DLG2: variants seen among roughly 807,000 people sequenced by gnomAD.
The protein encoded by DLG2 is disks large homolog 2.
A neutral mutation model predicts 132.5 loss-of-function variants in DLG2; 45 were observed. That is an observed-to-expected ratio of 0.34 (90% CI 0.27 to 0.44). The LOEUF is 0.44. Ranked by LOEUF, DLG2 falls within the 20% of genes least tolerant of loss-of-function variation. The pLI is 1.00. For synonymous variants in DLG2, 424 were observed against 419.6 expected, an observed-to-expected ratio of 1.01 and a Z score of -0.13; for missense variants, 1,045 against 1,196.9, an observed-to-expected ratio of 0.87 and a Z score of 1.87.
At chr11:85,095,929 G>C (rs1156768776) in intron 6 of DLG2, among the ~76,000 whole-genome samples, 1 of 152,200 alleles carries the variant, frequency 6.6e-6, no homozygotes, top group Non-Finnish European at 1.5e-5. Flanking sequence ...GGTGAAGCCA[G>C]CTGAGCTTCT....
intron 6 of DLG2, among the ~76,000 whole-genome samples, chr11:84,651,064 C>G (rs2099681488): frequency 6.6e-6 from 1 of 151,612 alleles, no homozygotes; most frequent in Non-Finnish European, 1.5e-5. Context: ...CATTATCTTA[C>G]TTGACCTTTC....
intron 6 of DLG2, among the ~76,000 whole-genome samples, chr11:85,077,840 C>G (rs989047672): frequency 5.9e-5 from 9 of 151,932 alleles, no homozygotes; most frequent in Admixed American, 3.3e-4. Context: ...GGGATAGTCT[C>G]CATTATATAT....
chr11:83,557,797 G>A (rs1213280553), intron 19 of DLG2, among the ~76,000 whole-genome samples: 3 of 152,114 alleles, frequency 2.0e-5, no homozygotes, highest in African/African-American at 4.8e-5. Flanking sequence ...TGGGGAGGAG[G>A]ATTTCCTGTT....
intron 3 of DLG2, among the ~76,000 whole-genome samples, chr11:85,326,301 A>C (rs2081452712): frequency 7.0e-6 from 1 of 143,478 alleles, no homozygotes; most frequent in Non-Finnish European, 1.5e-5. Flanking sequence ...GAGAAGAGCA[A>C]CTCCAAGACA....
chr11:85,545,036 A>C (rs2076220150), intron 3 of DLG2, among the ~76,000 whole-genome samples: 1 of 152,118 alleles, frequency 6.6e-6, no homozygotes, highest in South Asian at 2.1e-4. Flanking sequence ...GTTGAATAGG[A>C]GTGGTGAAAG....
chr11:85,577,535 A>G (rs892656417), intron 3 of DLG2, among the ~76,000 whole-genome samples: 6 of 152,148 alleles, frequency 3.9e-5, no homozygotes, highest in African/African-American at 7.2e-5. Flanking sequence ...AGTTTTGGCC[A>G]TGATAAGTTT....
intron 8 of DLG2, among the ~76,000 whole-genome samples, chr11:84,239,258 G>A (rs2097197171): frequency 6.6e-6 from 1 of 151,580 alleles, no homozygotes; most frequent in Non-Finnish European, 1.5e-5. Flanking sequence ...TCGGCTCACT[G>A]CAACCTCAAC....
At chr11:84,653,063 G>A (rs2099684048) in intron 6 of DLG2, among the ~76,000 whole-genome samples, 1 of 151,874 alleles carries the variant, frequency 6.6e-6, no homozygotes, top group Non-Finnish European at 1.5e-5. Context: ...CTGAGTAGCT[G>A]GGATTACAGG....
chr11:84,455,999 T>C (rs576000360), intron 7 of DLG2, among the ~76,000 whole-genome samples: 51 of 151,340 alleles, frequency 3.4e-4, no homozygotes, highest in Admixed American at 7.3e-4. Context: ...AGACCTAACA[T>C]CCATGAAAAT....
At chr11:84,498,380 T>G (rs935349788) in intron 7 of DLG2, among the ~76,000 whole-genome samples, 3 of 152,100 alleles carry the variant, frequency 2.0e-5, no homozygotes, top group Non-Finnish European at 2.9e-5. Context: ...GGGAAGCAGA[T>G]GAATAAGTCA....
At chr11:84,541,100 T>C (rs2099367512) in intron 6 of DLG2, among the ~76,000 whole-genome samples, 2 of 151,642 alleles carry the variant, frequency 1.3e-5, no homozygotes, top group South Asian at 4.2e-4. Flanking sequence ...AAATGACGAG[T>C]TAATGGGTGT....
chr11:84,397,362 C>T (rs1053601676), intron 7 of DLG2, among the ~76,000 whole-genome samples: 2 of 152,234 alleles, frequency 1.3e-5, no homozygotes, highest in African/African-American at 4.8e-5. Context: ...CTATCTGAGA[C>T]AATGCTATGT....
chr11:83,586,541 T>C (rs1395892576), intron 19 of DLG2, among the ~76,000 whole-genome samples: 1 of 152,216 alleles, frequency 6.6e-6, no homozygotes, highest in Non-Finnish European at 1.5e-5. Flanking sequence ...TTTAAAACTA[T>C]CATTTTCTTC....
rs578258070 is a variant in DLG2 at position 84,815,202 on chromosome 11, C to A, written c.358-280471G>T. On this transcript the variant is annotated intron_variant, in intron 6 of 27. Coordinates refer to ENST00000376104, the MANE Select transcript of DLG2 (RefSeq NM_001142699.3). Reference sequence around the variant, plus strand: ...GGAATAAACTAAGAAAGAGGCTTTGCTTTATATCTGCACTCACTAGGAGAG... The same window carrying A: ...GGAATAAACTAAGAAAGAGGCTTTGATTTATATCTGCACTCACTAGGAGAG... Among the ~76,000 whole-genome samples, 37 of 152,172 alleles carry A rather than the reference C, an allele frequency of 2.4e-4. 1 individual carries two copies. The highest frequency in any genetic ancestry group is 6.8e-3 in the Middle Eastern group (2 of 294).
At chr11:84,840,553 G>A (rs575355029) in intron 6 of DLG2, among the ~76,000 whole-genome samples, 1 of 152,240 alleles carries the variant, frequency 6.6e-6, no homozygotes, top group Admixed American at 6.5e-5. Context: ...TATGTTTATT[G>A]TGGCACTATT....
At chr11:83,622,183 C>T (rs1316484715) in intron 19 of DLG2, among the ~76,000 whole-genome samples, 2 of 152,178 alleles carry the variant, frequency 1.3e-5, no homozygotes, top group Non-Finnish European at 2.9e-5. Flanking sequence ...CCACCCCAGC[C>T]TCCCAAAGTG....
chr11:84,043,193 A>G (rs2096141582), intron 11 of DLG2, among the ~76,000 whole-genome samples: 1 of 151,362 alleles, frequency 6.6e-6, no homozygotes, highest in Admixed American at 6.6e-5. Flanking sequence ...TTGCTTAAAT[A>G]AATTAAATAA....
chr11:84,791,917 T>A (rs897302637), intron 6 of DLG2, among the ~76,000 whole-genome samples: 2 of 152,160 alleles, frequency 1.3e-5, no homozygotes, highest in African/African-American at 2.4e-5. Flanking sequence ...CTTGAATGCC[T>A]TTTATATCTT....
At chr11:85,038,504 C>T (rs898170810) in intron 6 of DLG2, among the ~76,000 whole-genome samples, 1 of 152,056 alleles carries the variant, frequency 6.6e-6, no homozygotes, top group Non-Finnish European at 1.5e-5. Context: ...GATATTTACA[C>T]AGAAGTGACA....
Sources: allele counts gnomAD v4.1 joint callset (sites outside exome capture counted in the v4.1 genomes callset), GRCh38; gene constraint gnomAD v4.1.1; transcripts MANE v1.5; gene names NCBI Gene and HGNC (gene_info 2026-07-23, HGNC 2026-07-21).